WDR59: variants seen among roughly 807,000 people sequenced by gnomAD.
The protein encoded by WDR59 is WD repeat domain 59.
Under a neutral mutation model 131.2 loss-of-function variants are expected in WDR59, and 100 were observed. The ratio of observed to expected loss-of-function variants is 0.76; its 90% confidence interval spans 0.65 to 0.90. The LOEUF is 0.90. Ranked by LOEUF, WDR59 falls within the 40% of genes least tolerant of loss-of-function variation. The pLI, the probability that WDR59 is intolerant of heterozygous loss-of-function variation, is 0.00. For missense variants in WDR59, 1,203 were observed against 1,262.2 expected, an observed-to-expected ratio of 0.95 and a Z score of 0.71; for synonymous variants, 601 against 466.2, an observed-to-expected ratio of 1.29 and a Z score of -3.72.
At chr16:74,877,318 AAAC>A (rs1020158945) in intron 25 of WDR59, among the ~76,000 whole-genome samples, 40 of 152,318 alleles carry the variant, frequency 2.6e-4, no homozygotes, top group African/African-American at 9.4e-4. Flanking sequence ...AAGAGGAAAA[AAAC>A]AACAATTCCA....
At chr16:74,959,001 G>C (rs1480050506) in intron 2 of WDR59, among the ~76,000 whole-genome samples, 1 of 152,188 alleles carries the variant, frequency 6.6e-6, no homozygotes, top group Non-Finnish European at 1.5e-5. Flanking sequence ...AGGGGATGCA[G>C]TGAGCCGAGA....
intron 1 of WDR59, among the ~76,000 whole-genome samples, chr16:74,983,645 G>A (rs2034511690): frequency 6.6e-6 from 1 of 152,030 alleles, no homozygotes; most frequent in Non-Finnish European, 1.5e-5. Context: ...TCCCAATGCT[G>A]TGTGTGCCAC....
intron 18 of WDR59, 92 bp downstream of exon 18, chr16:74,903,855 A>G: frequency 4.9e-6 from 7 of 1,431,226 alleles, no homozygotes; most frequent in Non-Finnish European, 6.6e-6. Flanking sequence ...CTACAGGGTG[A>G]TTACTAATCT....
chr16:74,885,204 G>A (rs993415098), intron 25 of WDR59, among the ~76,000 whole-genome samples: 7 of 152,094 alleles, frequency 4.6e-5, no homozygotes, highest in African/African-American at 1.7e-4. Context: ...TGTAATCCCA[G>A]CACTTTGGGA....
In WDR59 at chr16:74,944,781, A is replaced by G. The variant is rs561368931; in HGVS notation, c.446-1955T>C. On this transcript the variant is annotated intron_variant, in intron 6 of 25. Coordinates refer to ENST00000262144, the MANE Select transcript of WDR59 (RefSeq NM_030581.4). ...CAAAGGAAAGAAGTCTTCTACTTCC[A>G]TTTTTTAAGAAAGATCTATAACAGA... Among the ~76,000 whole-genome samples, 13 of 152,232 alleles carry G rather than the reference A, an allele frequency of 8.5e-5. No individual in the cohort carries two copies. The South Asian group carries it at 2.5e-3, about 29-fold the overall frequency.
intron 3 of WDR59, among the ~76,000 whole-genome samples, chr16:74,954,565 A>G (rs2033186258): frequency 6.6e-6 from 1 of 152,236 alleles, no homozygotes; most frequent in African/African-American, 2.4e-5. Flanking sequence ...TAAAAGGTTT[A>G]GCCACTGTGG....
chr16:74,918,722 A>C (rs1283292327), intron 10 of WDR59, among the ~76,000 whole-genome samples: 1 of 152,210 alleles, frequency 6.6e-6, no homozygotes, highest in Non-Finnish European at 1.5e-5. Context: ...CTTCATGGCC[A>C]CCTTCAGAGA....
chr16:74,897,685 T>C (rs1965362492), intron 18 of WDR59, among the ~76,000 whole-genome samples: 1 of 152,090 alleles, frequency 6.6e-6, no homozygotes, highest in Non-Finnish European at 1.5e-5. Flanking sequence ...CTAATTAGAG[T>C]TGCTACCGGA....
At chr16:74,926,934 A>G (rs2030870677) in intron 8 of WDR59, among the ~76,000 whole-genome samples, 1 of 152,246 alleles carries the variant, frequency 6.6e-6, no homozygotes, top group South Asian at 2.1e-4. Context: ...CTATGTGCCA[A>G]CAATGAGGTG....
intron 4 of WDR59, 107 bp downstream of exon 4, chr16:74,951,351 G>T: frequency 8.9e-7 from 1 of 1,123,308 alleles, no homozygotes; most frequent in South Asian, 1.3e-5. Context: ...CGGGACCTGT[G>T]CAACACAGAC....
intron 8 of WDR59, among the ~76,000 whole-genome samples, chr16:74,927,787 T>G (rs892564192): frequency 2.0e-5 from 3 of 151,818 alleles, no homozygotes; most frequent in African/African-American, 7.3e-5. Context: ...ACTCCATGGC[T>G]GTTTTTTTCA....
intron 13 of WDR59, among the ~76,000 whole-genome samples, chr16:74,913,933 A>C (rs1302110079): frequency 6.6e-6 from 1 of 152,222 alleles, no homozygotes. Context: ...TTGGCTGGGC[A>C]CAGTGGCTCA....
At chr16:74,969,054 T>C (rs1408143530) in intron 1 of WDR59, among the ~76,000 whole-genome samples, 1 of 152,152 alleles carries the variant, frequency 6.6e-6, no homozygotes, top group Non-Finnish European at 1.5e-5. Context: ...TGGGGAATTC[T>C]AGACGTGGGT....
At chr16:74,890,213 C>G (rs1273650184) in intron 20 of WDR59, among the ~76,000 whole-genome samples, 2 of 152,204 alleles carry the variant, frequency 1.3e-5, no homozygotes, top group African/African-American at 2.4e-5. Context: ...TGCCGTGGCA[C>G]AATCACAGCT....
chr16:74,956,899 G>C (rs956432435), intron 2 of WDR59, among the ~76,000 whole-genome samples: 1 of 151,996 alleles, frequency 6.6e-6, no homozygotes, highest in Non-Finnish European at 1.5e-5. Flanking sequence ...CCTTCTCCCA[G>C]CCTTTCCCAA....
intron 1 of WDR59, among the ~76,000 whole-genome samples, chr16:74,981,658 A>ATTTTTTTTTTTTTTTTTTTTT (rs2034430352): frequency 2.6e-5 from 2 of 75,522 alleles, no homozygotes; most frequent in African/African-American, 1.6e-4. Flanking sequence ...ATATATATAT[A>ATTTTTTTTTTTTTTTTTTTTT]TATTTTTTTT....
intron 1 of WDR59, among the ~76,000 whole-genome samples, chr16:74,973,696 A>G (rs1414878615): frequency 2.6e-5 from 4 of 152,210 alleles, no homozygotes; most frequent in Admixed American, 6.5e-5. Flanking sequence ...CTTCTCTTTT[A>G]AATGAGAACA....
In WDR59 at chr16:74,985,076, T is replaced by C. The variant is rs2034573062; in HGVS notation, c.-59A>G. ...CGCCCTCCCACCCCGCCGTCCCCAG[T>C]ATCCCGGGACCGTGCGCCCCACACA... is the stretch of plus-strand genomic sequence containing the variant. On this transcript the variant is annotated 5_prime_UTR_variant, in exon 1 of 26. The change creates a new upstream start codon in the 5' untranslated region. Transcript: ENST00000262144. 1 of 1,493,366 alleles carries C rather than the reference T, an allele frequency of 6.7e-7. No homozygotes were observed. The highest frequency in any genetic ancestry group is 9.1e-7 in the Non-Finnish European group (1 of 1,096,072). 92.5% of individuals were successfully genotyped at this position (1,493,366 alleles called of 1,614,324 possible). A position where few individuals can be genotyped will look rare whatever the true frequency, so the allele number is the denominator to read the frequency against.
Position 74,965,780 on chromosome 16 carries a change from G to A in WDR59, c.97C>T (p.Leu33Phe), listed in dbSNP as rs1297446058. Residue 33 changes from leucine (L) to phenylalanine (F), a missense_variant, in exon 2 of 26, where the codon CTT (leucine) becomes TTT (phenylalanine). Physicochemically the swap from Leu to Phe is conservative, Grantham distance 22 (BLOSUM62 0). Coordinates refer to ENST00000262144, the MANE Select transcript of WDR59 (RefSeq NM_030581.4). The stretch of plus-strand genomic sequence containing the variant: ...CTCGGCAAGCTTACTTACCCAGAAA[G>A]CACTGCATGCTGCCCAAGACAGTCC... ...SVDCLGQHAV[L>F]SGRRFLYIVN... The A allele has an allele frequency of 6.2e-7, 1 of 1,614,132 alleles. No individual in the cohort carries two copies. The highest frequency in any genetic ancestry group is 1.7e-5 in the Admixed American group (1 of 60,006).
Sources: allele counts gnomAD v4.1 joint callset (sites outside exome capture counted in the v4.1 genomes callset), GRCh38; gene constraint gnomAD v4.1.1; transcripts MANE v1.5; gene names NCBI Gene and HGNC (gene_info 2026-07-23, HGNC 2026-07-21).